Variants in GPC5 observed in about 807,000 individuals in gnomAD.
GPC5 encodes the protein glypican-5.
A neutral mutation model predicts 53.9 loss-of-function variants in GPC5; 47 were observed. The ratio of observed to expected loss-of-function variants is 0.87; its 90% CI spans 0.69 to 1.11. The LOEUF is 1.11. Among genes scored for constraint, GPC5 ranks in the 50% most tolerant of loss-of-function variants. The pLI, the probability that GPC5 is intolerant of heterozygous loss-of-function variation, is 0.00. For missense variants in GPC5, 748 were observed against 713.1 expected (o/e 1.05, Z -0.56); for synonymous variants, 286 against 263.3 (o/e 1.09, Z -0.84).
intron 7 of GPC5, among the ~76,000 whole-genome samples, chr13:92,581,788 T>C (rs1290296784): frequency 1.3e-5 from 2 of 152,296 alleles, no homozygotes; most frequent in East Asian, 1.9e-4. Flanking sequence ...CTTAGTATGG[T>C]TGTAATTTGC....
At chr13:91,482,324 C>T (rs1436750072) in intron 2 of GPC5, among the ~76,000 whole-genome samples, 2 of 152,154 alleles carry the variant, frequency 1.3e-5, no homozygotes, top group Non-Finnish European at 1.5e-5. Flanking sequence ...ATCAGAGACT[C>T]AGCCCTTTCC....
At chr13:92,161,067 T>C (rs2041984722) in intron 7 of GPC5, among the ~76,000 whole-genome samples, 1 of 150,350 alleles carries the variant, frequency 6.7e-6, no homozygotes, top group South Asian at 2.1e-4. Context: ...TGAGTTGTAC[T>C]AACCATAATA....
intron 7 of GPC5, among the ~76,000 whole-genome samples, chr13:92,613,798 A>C (rs1323689475): frequency 6.7e-6 from 1 of 149,984 alleles, no homozygotes; most frequent in African/African-American, 2.4e-5. Flanking sequence ...TCAAGGCTGC[A>C]GTGAGATAGG....
chr13:91,496,903 T>A (rs1425582442), intron 2 of GPC5, among the ~76,000 whole-genome samples: 1 of 152,186 alleles, frequency 6.6e-6, no homozygotes, highest in East Asian at 1.9e-4. Context: ...TATATGCACC[T>A]AATATGTACC....
At chr13:92,584,413 G>A (rs568622412) in intron 7 of GPC5, among the ~76,000 whole-genome samples, 1 of 152,276 alleles carries the variant, frequency 6.6e-6, no homozygotes, top group South Asian at 2.1e-4. Flanking sequence ...GAGATCTGTG[G>A]AGCTTTGAAC....
At chr13:91,776,019 T>A (rs1046990059) in intron 5 of GPC5, among the ~76,000 whole-genome samples, 2 of 152,208 alleles carry the variant, frequency 1.3e-5, no homozygotes, top group African/African-American at 4.8e-5. Flanking sequence ...CCCCATTGCA[T>A]CTGGTCAGTA....
At chr13:91,633,062 A>C (rs1429046963) in intron 2 of GPC5, among the ~76,000 whole-genome samples, 2 of 152,196 alleles carry the variant, frequency 1.3e-5, no homozygotes, top group Non-Finnish European at 2.9e-5. Flanking sequence ...TGCAGAAATG[A>C]AAACAAAGAT....
In GPC5 at chr13:91,571,854, CAT is replaced by C. The variant is rs1566515746; in HGVS notation, c.326-121329_326-121328del. Reference sequence around the variant, plus strand: ...ACACATATACTTGTGTGTATATACACATATACGTGTGTGTATATATACACACA... The same window carrying C: ...ACACATATACTTGTGTGTATATACACATACGTGTGTGTATATATACACACA... On this transcript the variant is annotated intron_variant, in intron 2 of 7. Coordinates refer to ENST00000377067, the MANE Select transcript of GPC5 (RefSeq NM_004466.6). 6.0e-3 allele frequency among the ~76,000 whole-genome samples: 741 copies of C among 124,452 alleles called. 56 individuals carry two copies. Among genetic ancestry groups the C allele is most frequent in the South Asian group, 8.8e-3 (32 of 3,638 alleles). The allele number at this position is 124,452 out of a possible 152,430, so 81.6% of individuals were successfully genotyped here. A position where few individuals can be genotyped will look rare whatever the true frequency, so the allele number is the denominator to read the frequency against.
At chr13:91,496,778 A>G (rs183983465) in intron 2 of GPC5, among the ~76,000 whole-genome samples, 1 of 152,246 alleles carries the variant, frequency 6.6e-6, no homozygotes, top group East Asian at 1.9e-4. Flanking sequence ...AATAACTAAA[A>G]GAGTATAATC....
At chr13:91,676,008 G>A (rs559116056) in intron 2 of GPC5, among the ~76,000 whole-genome samples, 10 of 152,330 alleles carry the variant, frequency 6.6e-5, no homozygotes, top group Non-Finnish European at 1.2e-4. Context: ...ATGTCTTGAT[G>A]TGAATCAGGA....
rs142561779 is a variant in GPC5 at position 91,448,851 on chromosome 13, T to C, written c.254T>C (p.Met85Thr). The change falls in exon 2 of 8, where the codon ATG becomes ACG. Residue 85 changes from methionine (M) to threonine (T), a missense_variant. Coordinates refer to ENST00000377067, the MANE Select transcript of GPC5 (RefSeq NM_004466.6). ...ERYQIAARQD[M>T]QQFLQTSSST... ...TATCAGATTGCGGCTCGCCAGGATATGCAGCAGTTTCTTCAAACGTCCAGC... is the reference window on the plus strand; with the variant it reads ...TATCAGATTGCGGCTCGCCAGGATACGCAGCAGTTTCTTCAAACGTCCAGC... 6.2e-7 allele frequency: 1 copy of C among 1,613,712 alleles called. No individual in the cohort carries two copies. Among genetic ancestry groups the C allele is most frequent in the South Asian group, 1.1e-5 (1 of 91,066 alleles).
intron 6 of GPC5, among the ~76,000 whole-genome samples, chr13:92,097,787 CTCAACTGT>C (rs2041433508): frequency 6.6e-6 from 1 of 152,150 alleles, no homozygotes; most frequent in Admixed American, 6.5e-5. Flanking sequence ...GATTAAACTT[CTCAACTGT>C]AAATGCATGC....
intron 7 of GPC5, among the ~76,000 whole-genome samples, chr13:92,219,064 A>C (rs1566490199): frequency 6.6e-6 from 1 of 152,122 alleles, no homozygotes; most frequent in Non-Finnish European, 1.5e-5. Flanking sequence ...TTCCGTGAGA[A>C]GCAGTCTGTT....
intron 5 of GPC5, among the ~76,000 whole-genome samples, chr13:91,822,431 C>T (rs1334170030): frequency 6.6e-6 from 1 of 152,166 alleles, no homozygotes; most frequent in African/African-American, 2.4e-5. Flanking sequence ...AACGCATTAA[C>T]CTTCACACTT....
intron 7 of GPC5, among the ~76,000 whole-genome samples, chr13:92,284,583 C>CA (rs2042940086): frequency 6.6e-6 from 1 of 152,074 alleles, no homozygotes; most frequent in Non-Finnish European, 1.5e-5. Context: ...AAGGCTGGTT[C>CA]AACATACACA....
intron 2 of GPC5, among the ~76,000 whole-genome samples, chr13:91,692,953 C>T (rs1351363902): frequency 6.6e-6 from 1 of 152,176 alleles, no homozygotes; most frequent in Non-Finnish European, 1.5e-5. Context: ...GATTTCATTA[C>T]TTTTAAACAG....
chr13:91,415,488 T>C (rs1021649674), intron 1 of GPC5, among the ~76,000 whole-genome samples: 5 of 152,112 alleles, frequency 3.3e-5, no homozygotes, highest in Admixed American at 2.6e-4. Context: ...GACCTGGTGT[T>C]TCACTTCACC....
intron 2 of GPC5, among the ~76,000 whole-genome samples, chr13:91,661,657 G>T (rs1252471726): frequency 6.6e-6 from 1 of 152,156 alleles, no homozygotes; most frequent in Non-Finnish European, 1.5e-5. Flanking sequence ...AGGTGACATT[G>T]GCACAGAGAA....
At chr13:91,701,888 C>T (rs899549447) in intron 3 of GPC5, among the ~76,000 whole-genome samples, 9 of 152,136 alleles carry the variant, frequency 5.9e-5, no homozygotes, top group East Asian at 1.9e-4. Flanking sequence ...CTTCATAACA[C>T]CTGTACAAAG....
Sources: gnomAD v4.1 joint callset for allele counts (sites outside exome capture counted in the v4.1 genomes callset) on GRCh38, gnomAD v4.1.1 for gene constraint, MANE v1.5 for transcripts, NCBI Gene and HGNC (gene_info 2026-07-23, HGNC 2026-07-21) for gene names.